SLC30A1: variants seen among roughly 807,000 people sequenced by gnomAD.
The protein encoded by SLC30A1 is solute carrier family 30 member 1.
In SLC30A1, 7 loss-of-function variants were observed where a neutral mutation model predicts 29.8. That is an observed-to-expected ratio of 0.23 (90% CI 0.13 to 0.44). The LOEUF is 0.44. Among genes scored for constraint, SLC30A1 ranks in the 20% least tolerant of loss-of-function variants. The pLI, the probability that SLC30A1 is intolerant of heterozygous loss-of-function variation, is 1.00. For missense variants in SLC30A1, 446 were observed against 647.9 expected (o/e 0.69, Z 3.38); for synonymous variants, 254 against 253.5 (o/e 1.00, Z -0.02).
chr1:211,571,774 C>T lies in SLC30A1; in HGVS notation c.*3614G>A, dbSNP rs1467629667. 1 of 152,106 alleles carries T rather than the reference C, an allele frequency of 6.6e-6. No individual in the cohort carries two copies. The highest frequency in any genetic ancestry group is 1.5e-5 in the Non-Finnish European group (1 of 68,010). The allele number at this position is 152,106 out of a possible 1,614,324, so 9.4% of individuals were successfully genotyped here. A position where few individuals can be genotyped will look rare whatever the true frequency, so the allele number is the denominator to read the frequency against. On this transcript the variant is annotated 3_prime_UTR_variant, in exon 2 of 2. Coordinates refer to ENST00000367001, the MANE Select transcript of SLC30A1 (RefSeq NM_021194.3). The stretch of plus-strand genomic sequence containing the variant: ...TGCAGCACTAAAGATATTTTATCTG[C>T]ATCTGTATTTAATGAGATGATAACT...
At position 211,575,302 on chromosome 1, in the gene SLC30A1, A is replaced by G. The variant is rs1706705324; in HGVS notation, c.*86T>C. 8.6e-7 allele frequency: 1 copy of G among 1,157,148 alleles called. No homozygotes were observed. Among genetic ancestry groups the G allele is most frequent in the African/African-American group, 1.5e-5 (1 of 64,888 alleles). 71.7% of individuals were successfully genotyped at this position (1,157,148 alleles called of 1,614,324 possible). The stretch of plus-strand genomic sequence containing the variant: ...GTGACCAGACAAGGACTTCAATTAC[A>G]CTACTTGGCAAACTTAGAATTTCAG... On this transcript the variant is annotated 3_prime_UTR_variant, in exon 2 of 2. Coordinates refer to ENST00000367001, the MANE Select transcript of SLC30A1 (RefSeq NM_021194.3). This position sits in a 1 kb window ranked among gnomAD's most constrained non-coding sequence, Gnocchi z 6.0.
chr1:211,575,907 T>C lies in SLC30A1; in HGVS notation c.1005A>G (p.Leu335=). The C allele has an allele frequency of 6.2e-7, 1 of 1,612,780 alleles. No homozygotes were observed. The highest frequency in any genetic ancestry group is 8.5e-7 in the Non-Finnish European group (1 of 1,179,430). ...GAAGAATAAGAGCAGATTCCTTAAG[T>C]AATGGATAGGTTGTGTAAAGAAGTA... ...VCILLYTTYP[L]LKESALILLQ... Residue 335 remains leucine, a synonymous_variant, in exon 2 of 2, where the codon TTA becomes TTG. Transcript: ENST00000367001. This position sits in a 1 kb window ranked among gnomAD's most constrained non-coding sequence, Gnocchi z 6.0.
chr1:211,575,449 A>G lies in SLC30A1; in HGVS notation c.1463T>C (p.Ile488Thr). ...KKPRRTKAEN[I>T]PAVVIEIKNM... ...TTTAATCTCTATCACAACAGCAGGG[A>G]TGTTTTCAGCTTTAGTCCTCCTGGG... The change falls in exon 2 of 2, where the codon ATC becomes ACC. Residue 488 changes from isoleucine (I) to threonine (T), a missense_variant. This residue lies in a region of SLC30A1 where 187 missense variants were observed against 312.7 expected (regional missense o/e 0.60). Coordinates refer to ENST00000367001, the MANE Select transcript of SLC30A1 (RefSeq NM_021194.3). This position sits in a 1 kb window ranked among gnomAD's most constrained non-coding sequence, Gnocchi z 6.0. 1 of 1,613,786 alleles carries G rather than the reference A, an allele frequency of 6.2e-7. No homozygotes were observed. The highest frequency in any genetic ancestry group is 8.5e-7 in the Non-Finnish European group (1 of 1,179,852).
rs1192529699 is a variant in SLC30A1 at position 211,578,564 on chromosome 1, G to A, written c.49C>T (p.Leu17=). ...NRGRLLCMLA[L]TFMFMVLEVV... is the part of the protein sequence containing the mutation. ...TCCAGCACCATGAACATGAAGGTCA[G>A]CGCCAGCATGCACAGCAGCCGGCCC... The change falls in exon 1 of 2, where the codon CTG becomes TTG. Residue 17 remains leucine (L), a synonymous_variant. Coordinates refer to ENST00000367001, the MANE Select transcript of SLC30A1 (RefSeq NM_021194.3). 3 of 1,608,604 alleles carry A rather than the reference G, an allele frequency of 1.9e-6. No individual in the cohort carries two copies. The Admixed American group carries it at 5.0e-5, about 27-fold the overall frequency.
In SLC30A1 at chr1:211,576,065, C is replaced by T; in HGVS notation, c.847G>A (p.Val283Met). The T allele has an allele frequency of 6.2e-7, 1 of 1,612,650 alleles. No homozygotes were observed. The highest frequency in any genetic ancestry group is 8.5e-7 in the Non-Finnish European group (1 of 1,179,470). The change falls in exon 2 of 2, where the codon GTG becomes ATG. Residue 283 changes from valine (V) to methionine (M), a missense_variant. Val to Met is a conservative substitution (Grantham distance 21). Around this residue, in one of 5 missense-constraint regions of SLC30A1, gnomAD observed 187 missense variants for 312.7 expected, o/e 0.60. Coordinates refer to ENST00000367001, the MANE Select transcript of SLC30A1 (RefSeq NM_021194.3). The stretch of plus-strand genomic sequence containing the variant: ...CAGGGGTCAGGGAAACATGGATTCA[C>T]ACAAAAATCCCCTTCAGAACAACCT... The part of the protein sequence containing the change: ...WKGCSEGDFC[V>M]NPCFPDPCKA...
At position 211,575,950 on chromosome 1, in the gene SLC30A1, C is replaced by CA; in HGVS notation, c.961dup (p.Cys321LeufsTer17). ...AAGAAGTATACAAACCATTACAACA[C>CA]AAAGAGTTGGATCTAAATATAGCAC... On this transcript the variant is annotated frameshift_variant, in exon 2 of 2. Transcript: ENST00000367001. LOFTEE classifies it high-confidence loss of function. This position sits in a 1 kb window ranked among gnomAD's most constrained non-coding sequence, Gnocchi z 6.0. The CA allele has an allele frequency of 2.5e-6, 4 of 1,613,358 alleles. No individual in the cohort carries two copies. Among genetic ancestry groups the CA allele is most frequent in the Non-Finnish European group, 3.4e-6 (4 of 1,179,588 alleles).
In SLC30A1 at chr1:211,572,983, T is replaced by C. The variant is rs1706669761; in HGVS notation, c.*2405A>G. ...TAAAATAGCATATTTAAATATTGGGTTTAAGTCTCCTAATAATTCAGAGTA... is the reference window on the plus strand; with the variant it reads ...TAAAATAGCATATTTAAATATTGGGCTTAAGTCTCCTAATAATTCAGAGTA... On this transcript the variant is annotated 3_prime_UTR_variant, in exon 2 of 2. Coordinates refer to ENST00000367001, the MANE Select transcript of SLC30A1 (RefSeq NM_021194.3). 6.6e-6 allele frequency: 1 copy of C among 152,036 alleles called. No homozygotes were observed. The highest frequency in any genetic ancestry group is 6.5e-5 in the Admixed American group (1 of 15,270). The allele number at this position is 152,036 out of a possible 1,614,324, so 9.4% of individuals were successfully genotyped here.
rs759833394 is a variant in SLC30A1 at position 211,578,420 on chromosome 1, G to A, written c.193C>T (p.His65Tyr). The A allele has an allele frequency of 6.2e-7, 1 of 1,612,798 alleles. No individual in the cohort carries two copies. Among genetic ancestry groups the A allele is most frequent in the Non-Finnish European group, 8.5e-7 (1 of 1,179,678 alleles). Residue 65 changes from histidine to tyrosine, a missense_variant, in exon 1 of 2, where the codon CAC becomes TAC. Physicochemically the swap from His to Tyr is moderately conservative, Grantham distance 83. Around this residue, in one of 5 missense-constraint regions of SLC30A1, gnomAD observed 62 missense variants for 91.5 expected, o/e 0.68. Coordinates refer to ENST00000367001, the MANE Select transcript of SLC30A1 (RefSeq NM_021194.3). ...CCGAACGTGTTCTTCTGGGTGGCGT[G>A]GGTCCGCCGGGCGAAGCGCTCGGCC... ...LVAERFARRT[H>Y]ATQKNTFGWI... is the part of the protein sequence containing the mutation.
chr1:211,575,373 C>T lies in SLC30A1; in HGVS notation c.*15G>A. 2.6e-6 allele frequency: 4 copies of T among 1,552,892 alleles called. No individual in the cohort carries two copies. The highest frequency in any genetic ancestry group is 2.6e-6 in the Non-Finnish European group (3 of 1,153,900). ...AGTTTAAAGCAAAAGTCAAATATCA[C>T]ATCTTTTTCAAGACTCACAAAGATG... On this transcript the variant is annotated 3_prime_UTR_variant, in exon 2 of 2. Transcript: ENST00000367001. This position sits in a 1 kb window ranked among gnomAD's most constrained non-coding sequence, Gnocchi z 6.0.
rs187905952 is a variant in SLC30A1, at chr1:211,574,600, A to G, written c.*788T>C. On this transcript the variant is annotated 3_prime_UTR_variant, in exon 2 of 2. Coordinates refer to ENST00000367001, the MANE Select transcript of SLC30A1 (RefSeq NM_021194.3). ...ACTTGCAGCTCAATGTTTTTATACC[A>G]ATCTTTCAAAGAAAGTAATGCTGGT... 1.7e-4 allele frequency: 26 copies of G among 152,296 alleles called. No individual in the cohort carries two copies. The East Asian group carries it at 4.8e-3, about 28-fold the overall frequency. 9.4% of individuals were successfully genotyped at this position (152,296 alleles called of 1,614,324 possible).
In SLC30A1 at chr1:211,578,155, T is replaced by G. The variant is rs747596536; in HGVS notation, c.458A>C (p.His153Pro). The G allele has an allele frequency of 6.2e-7, 1 of 1,608,280 alleles. No individual in the cohort carries two copies. The highest frequency in any genetic ancestry group is 8.5e-7 in the Non-Finnish European group (1 of 1,178,052). Residue 153 changes from histidine to proline, a missense_variant, in exon 1 of 2, where the codon CAC becomes CCC. This residue lies in a region of SLC30A1 where 159 missense variants were observed against 161.1 expected (regional missense o/e 0.99). Transcript: ENST00000367001. ...DSGHGHSHGG[H>P]GHGHGLPKGP... Reference sequence around the variant, plus strand: ...CTTGGGGAGGCCGTGGCCGTGGCCGTGACCCCCGTGCGAGTGGCCGTGGCC... The same window carrying G: ...CTTGGGGAGGCCGTGGCCGTGGCCGGGACCCCCGTGCGAGTGGCCGTGGCC...
At position 211,575,256 on chromosome 1, in the gene SLC30A1, A is replaced by T; in HGVS notation, c.*132T>A. 1 of 759,442 alleles carries T rather than the reference A, an allele frequency of 1.3e-6. No individual in the cohort carries two copies. The highest frequency in any genetic ancestry group is 2.2e-6 in the Non-Finnish European group (1 of 458,776). The allele number at this position is 759,442 out of a possible 1,614,324, so 47.0% of individuals were successfully genotyped here. The stretch of plus-strand genomic sequence containing the variant: ...TGTTATGCAGTCCCATTATGTTCTT[A>T]CAAAAATAGAATTAAACTGTGTGAC... On this transcript the variant is annotated 3_prime_UTR_variant, in exon 2 of 2. Transcript: ENST00000367001. This position sits in a 1 kb window ranked among gnomAD's most constrained non-coding sequence, Gnocchi z 6.0.
rs886175394 is a variant in SLC30A1 at position 211,571,594 on chromosome 1, TACTTA to T, written c.*3789_*3793del. On this transcript the variant is annotated 3_prime_UTR_variant, in exon 2 of 2. Coordinates refer to ENST00000367001, the MANE Select transcript of SLC30A1 (RefSeq NM_021194.3). Reference sequence around the variant, plus strand: ...AGATATTAAAATTAGTTTATTTTTCTACTTAACTTTTAATAAATGAGAAGAAACAC... The same window carrying T: ...AGATATTAAAATTAGTTTATTTTTCTACTTTTAATAAATGAGAAGAAACAC... The T allele has an allele frequency of 6.6e-6, 1 of 152,254 alleles. No individual in the cohort carries two copies. The highest frequency in any genetic ancestry group is 2.4e-5 in the African/African-American group (1 of 41,470). The allele number at this position is 152,254 out of a possible 1,614,324, so 9.4% of individuals were successfully genotyped here. A position where few individuals can be genotyped will look rare whatever the true frequency, so the allele number is the denominator to read the frequency against.
chr1:211,575,807 C>T lies in SLC30A1; in HGVS notation c.1105G>A (p.Val369Ile), dbSNP rs757610994. Residue 369 changes from valine (V) to isoleucine (I), a missense_variant, in exon 2 of 2, where the codon GTT (valine) becomes ATT (isoleucine). Transcript: ENST00000367001. The surrounding 1 kb of genome is among the most constrained non-coding windows in gnomAD (Gnocchi z 6.0). Reference sequence around the variant, plus strand: ...AGTTGCCAAACATGTAATTCATGAACTTCCTCAACTCCTTCAACATTTCGA... The same window carrying T: ...AGTTGCCAAACATGTAATTCATGAATTTCCTCAACTCCTTCAACATTTCGA... Reference protein sequence around the residue: ...ELRNVEGVEEVHELHVWQLAG... With the variant: ...ELRNVEGVEEIHELHVWQLAG... 2.5e-6 allele frequency: 4 copies of T among 1,614,000 alleles called. No homozygotes were observed. In the Admixed American group the frequency reaches 5.0e-5, roughly 20 times the overall value.
chr1:211,578,772 G>C lies in SLC30A1; in HGVS notation c.-160C>G, dbSNP rs1027571244. On this transcript the variant is annotated 5_prime_UTR_variant, in exon 1 of 2. Coordinates refer to ENST00000367001, the MANE Select transcript of SLC30A1 (RefSeq NM_021194.3). Reference sequence around the variant, plus strand: ...CCCGCGGCCGCACGGGGACAAGCCCGGGTCAAGCCGCCGAGCCCCGCGCCT... The same window carrying C: ...CCCGCGGCCGCACGGGGACAAGCCCCGGTCAAGCCGCCGAGCCCCGCGCCT... 13 of 565,660 alleles carry C rather than the reference G, an allele frequency of 2.3e-5. No individual in the cohort carries two copies. The highest frequency in any genetic ancestry group is 2.0e-4 in the African/African-American group (10 of 50,902). 35.0% of individuals were successfully genotyped at this position (565,660 alleles called of 1,614,324 possible).
rs1303344585 is a variant in SLC30A1, at chr1:211,574,856, G to A, written c.*532C>T. The A allele has an allele frequency of 6.5e-6, 1 of 153,200 alleles. No individual in the cohort carries two copies. Among genetic ancestry groups the A allele is most frequent in the Admixed American group, 6.5e-5 (1 of 15,442 alleles). 9.5% of individuals were successfully genotyped at this position (153,200 alleles called of 1,614,324 possible). A position where few individuals can be genotyped will look rare whatever the true frequency, so the allele number is the denominator to read the frequency against. On this transcript the variant is annotated 3_prime_UTR_variant, in exon 2 of 2. Transcript: ENST00000367001. ...CAATACAGAATACAGGATAGTAACTGATCTTATTTCCTACTAATAGCCATG... is the reference window on the plus strand; with the variant it reads ...CAATACAGAATACAGGATAGTAACTAATCTTATTTCCTACTAATAGCCATG...
In SLC30A1 at chr1:211,575,933, T is replaced by C. The variant is rs771486914; in HGVS notation, c.979A>G (p.Ile327Val). The change falls in exon 2 of 2, where the codon ATA becomes GTA. Residue 327 changes from isoleucine to valine, a missense_variant. By Grantham distance (29) the Ile-to-Val change is conservative (BLOSUM62 3). This residue lies in a region of SLC30A1 where 187 missense variants were observed against 312.7 expected (regional missense o/e 0.60). Coordinates refer to ENST00000367001, the MANE Select transcript of SLC30A1 (RefSeq NM_021194.3). This position sits in a 1 kb window ranked among gnomAD's most constrained non-coding sequence, Gnocchi z 6.0. ...DPTLCVVMVC[I>V]LLYTTYPLLK... ...AATGGATAGGTTGTGTAAAGAAGTA[T>C]ACAAACCATTACAACACAAAGAGTT... 38 of 1,613,164 alleles carry C rather than the reference T, an allele frequency of 2.4e-5. No homozygotes were observed. Among genetic ancestry groups the C allele is most frequent in the Non-Finnish European group, 3.1e-5 (37 of 1,179,494 alleles).
chr1:211,578,821 G>T lies in SLC30A1; in HGVS notation c.-209C>A. Reference sequence around the variant, plus strand: ...CTGTGGGCGTTCTCCGCCAGCCGGCGGCGCCGCGCCGCGCAGCTCCTCAGG... The same window carrying T: ...CTGTGGGCGTTCTCCGCCAGCCGGCTGCGCCGCGCCGCGCAGCTCCTCAGG... On this transcript the variant is annotated 5_prime_UTR_variant, in exon 1 of 2. Transcript: ENST00000367001. The T allele has an allele frequency of 2.8e-6, 1 of 357,892 alleles. No individual in the cohort carries two copies. The highest frequency in any genetic ancestry group is 4.9e-6 in the Non-Finnish European group (1 of 205,434). 22.2% of individuals were successfully genotyped at this position (357,892 alleles called of 1,614,324 possible).
chr1:211,575,670 A>T lies in SLC30A1; in HGVS notation c.1242T>A (p.Ala414=). The T allele has an allele frequency of 6.2e-7, 1 of 1,614,250 alleles. No homozygotes were observed. The highest frequency in any genetic ancestry group is 8.5e-7 in the Non-Finnish European group (1 of 1,180,026). ...KDVFHNHGIH[A]TTIQPEFASV... is the part of the protein sequence containing the mutation. ...TAGCAAATTCAGGCTGAATGGTAGT[A>T]GCGTGAATTCCGTGATTATGAAAAA... is the stretch of plus-strand genomic sequence containing the variant. The change falls in exon 2 of 2, where the codon GCT becomes GCA. Residue 414 remains alanine (A), a synonymous_variant. Coordinates refer to ENST00000367001, the MANE Select transcript of SLC30A1 (RefSeq NM_021194.3). This position sits in a 1 kb window ranked among gnomAD's most constrained non-coding sequence, Gnocchi z 6.0.
Sources: gnomAD v4.1 joint callset for allele counts on GRCh38, gnomAD v4.1.1 for gene constraint, gnomAD v4.1.1 regional missense constraint, Gnocchi (gnomAD v3.1) non-coding constraint, MANE v1.5 for transcripts, NCBI Gene and HGNC (gene_info 2026-07-23, HGNC 2026-07-21) for gene names.